Variants in ANKRD10 observed in about 807,000 individuals in gnomAD.
ANKRD10 encodes the protein ankyrin repeat domain 10, also known as ankyrin repeat domain-containing protein 10.
In ANKRD10, 14 loss-of-function variants were observed where a neutral mutation model predicts 27.0. That is an observed-to-expected ratio of 0.52 (90% CI 0.34 to 0.81). The LOEUF (loss-of-function observed/expected upper bound fraction) is 0.81, where lower values mean the gene tolerates loss of function less well. ANKRD10 is among the 40% of genes least tolerant of loss of function. The pLI is 0.01. For missense variants in ANKRD10, 493 were observed against 544.0 expected (o/e 0.91, Z 0.93); for synonymous variants, 250 against 224.5 (o/e 1.11, Z -1.01).
chr13:110,894,063 G>A (rs2138843101), intron 3 of ANKRD10: 1 of 1,331,452 alleles, frequency 7.5e-7, no homozygotes, highest in Non-Finnish European at 1.1e-6. Flanking sequence ...TGATGGCAGA[G>A]TAAGTGAAAG....
intron 5 of ANKRD10, among the ~76,000 whole-genome samples, chr13:110,882,657 C>T (rs968816303): frequency 6.6e-6 from 1 of 152,146 alleles, no homozygotes; most frequent in African/African-American, 2.4e-5. Flanking sequence ...TCAAATAGCC[C>T]CTGACTACAG....
rs1381734881 is a variant in ANKRD10, at chr13:110,892,415, G to GAAAAAAAAAAAAAA, written c.691+612_691+613insTTTTTTTTTTTTTT. Among the ~76,000 whole-genome samples the GAAAAAAAAAAAAAA allele has an allele frequency of 1.9e-3, 5 of 2,588 alleles. 1 individual carries two copies. Among genetic ancestry groups the GAAAAAAAAAAAAAA allele is most frequent in the Non-Finnish European group, 1.1e-3 (2 of 1,758 alleles). 1.7% of individuals were successfully genotyped at this position (2,588 alleles called of 152,430 possible). ...ATTGCACTCCAGCCTGGGTGACAGA[G>GAAAAAAAAAAAAAA]CAAAAAAAAAAAAAAAAAAAATGGT... On this transcript the variant is annotated intron_variant, in intron 4 of 5. Transcript: ENST00000267339.
intron 1 of ANKRD10, among the ~76,000 whole-genome samples, chr13:110,914,340 C>A (rs1209051591): frequency 3.9e-5 from 6 of 152,168 alleles, no homozygotes; most frequent in African/African-American, 1.4e-4. Flanking sequence ...CGAAATCGCT[C>A]GCGCCTCCGG....
At chr13:110,910,507 G>A (rs919597568) in intron 2 of ANKRD10, 111 bp downstream of exon 2, 16 of 1,356,424 alleles carry the variant, frequency 1.2e-5, no homozygotes, top group Non-Finnish European at 1.4e-5. Flanking sequence ...CTGCCCTCAG[G>A]TAAAGATATC....
intron 3 of ANKRD10, chr13:110,894,203 C>G: frequency 6.2e-7 from 1 of 1,607,954 alleles, no homozygotes. Context: ...TGAAATAAAC[C>G]TGTAAAAAAG....
chr13:110,910,716 T>C lies in ANKRD10; in HGVS notation c.265A>G (p.Thr89Ala), dbSNP rs141005738. Residue 89 changes from threonine (T) to alanine (A), a missense_variant, in exon 2 of 6, where the codon ACA becomes GCA. Coordinates refer to ENST00000267339, the MANE Select transcript of ANKRD10 (RefSeq NM_017664.4). ...TGGGCTGGCGTCTGCGCGTACCGTG[T>C]GGTGGAGACGTTGAGTGTGGCTCCC... ...RAGATLNVSTTRYAQTPAHIA... is the reference protein window; with the variant it reads ...RAGATLNVSTARYAQTPAHIA... 2,328 of 1,614,200 alleles carry C rather than the reference T, an allele frequency of 1.4e-3. 8 individuals are homozygous for C. Among genetic ancestry groups the C allele is most frequent in the Non-Finnish European group, 1.7e-3 (2,011 of 1,180,038 alleles).
intron 4 of ANKRD10, 51 bp from the exon 5 acceptor site, chr13:110,883,844 A>C: frequency 6.6e-7 from 1 of 1,510,570 alleles, no homozygotes; most frequent in Non-Finnish European, 9.0e-7. Flanking sequence ...TAACAAGATA[A>C]GTGTTCAGAC....
intron 5 of ANKRD10, among the ~76,000 whole-genome samples, chr13:110,881,608 A>G (rs955399361): frequency 3.3e-5 from 5 of 152,234 alleles, no homozygotes; most frequent in Non-Finnish European, 5.9e-5. Context: ...TCAATAGAAA[A>G]TAAAAACTGA....
chr13:110,910,604 A>C lies in ANKRD10; in HGVS notation c.363+14T>G, dbSNP rs2065668691. 1 of 1,612,870 alleles carries C rather than the reference A, an allele frequency of 6.2e-7. No individual in the cohort carries two copies. The highest frequency in any genetic ancestry group is 8.5e-7 in the Non-Finnish European group (1 of 1,179,608). ...AAAGCAAAAGCAAACCAAGTCCATC[A>C]CCAGCACTCTTACCGGTTTGTTAAT... On this transcript the variant is annotated intron_variant, in intron 2 of 5. Transcript: ENST00000267339.
At chr13:110,892,737 G>T in intron 4 of ANKRD10, 4 of 1,080,184 alleles carry the variant, frequency 3.7e-6, no homozygotes, top group Non-Finnish European at 4.5e-6. Flanking sequence ...ATTTCAAACA[G>T]ATACAACAAA....
At chr13:110,897,339 G>T (rs752835814) in intron 3 of ANKRD10, among the ~76,000 whole-genome samples, 1 of 143,802 alleles carries the variant, frequency 7.0e-6, no homozygotes, top group Non-Finnish European at 1.5e-5. Flanking sequence ...GCTCAGGCTG[G>T]TCTCAAACTC....
chr13:110,880,880 G>A (rs983023268), intron 5 of ANKRD10, among the ~76,000 whole-genome samples: 18 of 152,228 alleles, frequency 1.2e-4, no homozygotes, highest in African/African-American at 4.1e-4. Context: ...ACGCAGAGTC[G>A]CTTCTTCTCA....
intron 3 of ANKRD10, among the ~76,000 whole-genome samples, chr13:110,896,359 TAC>T (rs764344997): frequency 6.6e-6 from 1 of 152,242 alleles, no homozygotes; most frequent in African/African-American, 2.4e-5. Flanking sequence ...GTATACAACA[TAC>T]AGTTTAATTT....
At chr13:110,893,358 A>G (rs2065134120) in intron 3 of ANKRD10, 95 bp from the exon 4 acceptor site, 9 of 1,156,264 alleles carry the variant, frequency 7.8e-6, no homozygotes, top group African/African-American at 3.1e-5. Flanking sequence ...GGTGGTATGA[A>G]AGAGTAAACA....
intron 4 of ANKRD10, among the ~76,000 whole-genome samples, chr13:110,886,302 CTT>C (rs1487279101): frequency 1.3e-5 from 2 of 152,346 alleles, no homozygotes; most frequent in African/African-American, 4.8e-5. Flanking sequence ...GTAGATGCAT[CTT>C]TTGTTAATGC....
At chr13:110,900,057 A>C (rs1242886829) in intron 3 of ANKRD10, among the ~76,000 whole-genome samples, 2 of 144,490 alleles carry the variant, frequency 1.4e-5, no homozygotes, top group African/African-American at 5.6e-5. Context: ...TCAAACACTC[A>C]AATTTATATC....
intron 1 of ANKRD10, among the ~76,000 whole-genome samples, chr13:110,911,966 A>G (rs962269484): frequency 8.5e-5 from 13 of 152,166 alleles, no homozygotes; most frequent in African/African-American, 2.9e-4. Context: ...TCAAAACCCT[A>G]TGGGGGAAAA....
chr13:110,906,141 C>T lies in ANKRD10; in HGVS notation c.364-17G>A. 1 of 1,570,852 alleles carries T rather than the reference C, an allele frequency of 6.4e-7. No homozygotes were observed. Among genetic ancestry groups the T allele is most frequent in the Non-Finnish European group, 8.7e-7 (1 of 1,154,888 alleles). On this transcript the variant is annotated splice_polypyrimidine_tract_variant and intron_variant, in intron 2 of 5. Transcript: ENST00000267339. ...CTCACAATCCTGAAACAACAAAAAG[C>T]AAAATATACACATACTTAGAACAAA...
Position 110,879,405 on chromosome 13 carries a change from A to G in ANKRD10, c.*232T>C. The G allele has an allele frequency of 2.0e-6, 1 of 512,032 alleles. No homozygotes were observed. Among genetic ancestry groups the G allele is most frequent in the Non-Finnish European group, 3.5e-6 (1 of 286,716 alleles). The allele number at this position is 512,032 out of a possible 1,614,324, so 31.7% of individuals were successfully genotyped here. ...AGATTGGCATCAGAAAAACTCCAAAAGTGCACCTTATAAAAAGGACACCTC... is the reference window on the plus strand; with the variant it reads ...AGATTGGCATCAGAAAAACTCCAAAGGTGCACCTTATAAAAAGGACACCTC... On this transcript the variant is annotated 3_prime_UTR_variant, in exon 6 of 6. Coordinates refer to ENST00000267339, the MANE Select transcript of ANKRD10 (RefSeq NM_017664.4).
Sources: gnomAD v4.1 joint callset for allele counts (sites outside exome capture counted in the v4.1 genomes callset) on GRCh38, gnomAD v4.1.1 for gene constraint, MANE v1.5 for transcripts, NCBI Gene and HGNC (gene_info 2026-07-23, HGNC 2026-07-21) for gene names.